DPYD: variants seen among roughly 807,000 people sequenced by gnomAD.
DPYD encodes dihydropyrimidine dehydrogenase, also known as dihydropyrimidine dehydrogenase [NADP(+)].
Under a neutral mutation model 116.2 loss-of-function variants are expected in DPYD, and 109 were observed. The ratio of observed to expected loss-of-function variants is 0.94; its 90% confidence interval spans 0.80 to 1.10. DPYD has a LOEUF of 1.10. Ranked by LOEUF, DPYD falls within the 50% of genes least tolerant of loss-of-function variation. The pLI is 0.00. For synonymous variants in DPYD, 440 were observed against 432.0 expected (o/e 1.02, Z -0.23); for missense variants, 1,302 against 1,254.5 (o/e 1.04, Z -0.57).
chr1:97,130,143 C>T (rs1410681507), intron 20 of DPYD, among the ~76,000 whole-genome samples: 1 of 152,046 alleles, frequency 6.6e-6, no homozygotes, highest in African/African-American at 2.4e-5. Context: ...TTTGAAGGAT[C>T]CACTTTTCTG....
At chr1:97,393,460 C>A (rs7536770) in intron 14 of DPYD, among the ~76,000 whole-genome samples, 4 of 151,440 alleles carry the variant, frequency 2.6e-5, no homozygotes, top group East Asian at 3.9e-4. Flanking sequence ...CACCCCACAA[C>A]AGGCCCCGGT....
chr1:97,845,225 T>A (rs1670233610), intron 2 of DPYD, among the ~76,000 whole-genome samples: 1 of 152,184 alleles, frequency 6.6e-6, no homozygotes, highest in Non-Finnish European at 1.5e-5. Flanking sequence ...CAGTTCCAGG[T>A]GGAGTCCCTG....
intron 5 of DPYD, 84 bp downstream of exon 5, chr1:97,721,426 C>A: frequency 6.5e-7 from 1 of 1,540,780 alleles, no homozygotes; most frequent in Non-Finnish European, 8.9e-7. Flanking sequence ...TGGGTATCAA[C>A]AGAGCACCAA....
chr1:97,469,470 T>A (rs1677521992), intron 13 of DPYD, among the ~76,000 whole-genome samples: 1 of 149,712 alleles, frequency 6.7e-6, no homozygotes, highest in Admixed American at 6.7e-5. Context: ...GAAACCTTTT[T>A]GGTTGTAGTT....
chr1:97,801,314 G>A (rs1667833116), intron 3 of DPYD, among the ~76,000 whole-genome samples: 1 of 151,818 alleles, frequency 6.6e-6, no homozygotes, highest in Non-Finnish European at 1.5e-5. Flanking sequence ...ACTGTGAGAA[G>A]CAAATGTTCG....
chr1:97,590,421 T>C (rs574488757), intron 10 of DPYD, among the ~76,000 whole-genome samples: 49 of 152,298 alleles, frequency 3.2e-4, no homozygotes, highest in Non-Finnish European at 4.1e-4. Flanking sequence ...CCACAATTAT[T>C]GGTTGAATCT....
At chr1:97,441,421 A>G (rs1675789233) in intron 14 of DPYD, among the ~76,000 whole-genome samples, 1 of 151,606 alleles carries the variant, frequency 6.6e-6, no homozygotes, top group African/African-American at 2.4e-5. Flanking sequence ...TGTGCGTTTC[A>G]TTTTGGATAG....
chr1:97,564,505 G>A (rs1652382816), intron 11 of DPYD, among the ~76,000 whole-genome samples: 1 of 152,114 alleles, frequency 6.6e-6, no homozygotes, highest in East Asian at 1.9e-4. Context: ...GAAAAGACAG[G>A]AAGATGATGT....
intron 20 of DPYD, among the ~76,000 whole-genome samples, chr1:97,168,987 C>T (rs1656524267): frequency 6.6e-6 from 1 of 152,000 alleles, no homozygotes; most frequent in Non-Finnish European, 1.5e-5. Flanking sequence ...GCTGGGATTA[C>T]AGGCACCCAC....
At chr1:97,849,006 A>C (rs907783737) in intron 2 of DPYD, among the ~76,000 whole-genome samples, 1 of 152,184 alleles carries the variant, frequency 6.6e-6, no homozygotes, top group African/African-American at 2.4e-5. Context: ...CAATTACACC[A>C]ATTGAGGCAT....
intron 20 of DPYD, among the ~76,000 whole-genome samples, chr1:97,187,001 T>C (rs1411751583): frequency 6.6e-6 from 1 of 152,240 alleles, no homozygotes. Flanking sequence ...TTTAGCTTTA[T>C]TCCATATCTT....
chr1:97,871,131 T>A (rs1402621976), intron 2 of DPYD, among the ~76,000 whole-genome samples: 1 of 151,970 alleles, frequency 6.6e-6, no homozygotes, highest in East Asian at 1.9e-4. Context: ...TTCATTAATA[T>A]CTTTTAAAAT....
chr1:97,331,339 G>A (rs916521547), intron 16 of DPYD, among the ~76,000 whole-genome samples: 9 of 152,098 alleles, frequency 5.9e-5, no homozygotes, highest in African/African-American at 1.7e-4. Flanking sequence ...TTAGTCAGGC[G>A]TGGTGGTGTG....
chr1:97,417,597 A>C (rs1209274879), intron 14 of DPYD, among the ~76,000 whole-genome samples: 1 of 152,238 alleles, frequency 6.6e-6, no homozygotes, highest in South Asian at 2.1e-4. Context: ...AAAATTCTTT[A>C]AATAGCCATA....
At chr1:97,835,357 T>C (rs996990009) in intron 2 of DPYD, among the ~76,000 whole-genome samples, 1 of 152,114 alleles carries the variant, frequency 6.6e-6, no homozygotes, top group Admixed American at 6.5e-5. Context: ...AAAACATGTA[T>C]GTGAAAATAT....
At chr1:97,482,004 T>C (rs1678345837) in intron 13 of DPYD, among the ~76,000 whole-genome samples, 1 of 152,190 alleles carries the variant, frequency 6.6e-6, no homozygotes, top group Admixed American at 6.5e-5. Flanking sequence ...TTTAGATTAC[T>C]TTTACTAAAG....
intron 10 of DPYD, among the ~76,000 whole-genome samples, chr1:97,578,032 G>A (rs1192338911): frequency 2.0e-5 from 3 of 151,932 alleles, no homozygotes; most frequent in Non-Finnish European, 4.4e-5. Context: ...TTTTAGTAGA[G>A]ACGGGGTTTC....
At chr1:97,084,191 C>G (rs1430655075) in intron 21 of DPYD, among the ~76,000 whole-genome samples, 2 of 152,002 alleles carry the variant, frequency 1.3e-5, no homozygotes, top group Non-Finnish European at 2.9e-5. Context: ...CTTTTTCTAT[C>G]TTATTTCTCA....
At chr1:97,157,326 T>C (rs1183780968) in intron 20 of DPYD, among the ~76,000 whole-genome samples, 3 of 152,168 alleles carry the variant, frequency 2.0e-5, no homozygotes, top group Non-Finnish European at 4.4e-5. Flanking sequence ...ACCTAGTGTT[T>C]GCACACACTC....
Sources: gnomAD v4.1 joint callset for allele counts (sites outside exome capture counted in the v4.1 genomes callset) on GRCh38, gnomAD v4.1.1 for gene constraint, MANE v1.5 for transcripts, NCBI Gene and HGNC (gene_info 2026-07-23, HGNC 2026-07-21) for gene names.